The following SERPINB7 variants were observed in gnomAD, a reference collection of about 807,000 sequenced individuals.
The protein encoded by SERPINB7 is serpin B7.
In SERPINB7, 31 loss-of-function variants were observed where a neutral mutation model predicts 37.4. The observed-to-expected ratio is 0.83, with a 90% CI of 0.62 to 1.12. The LOEUF (loss-of-function observed/expected upper bound fraction) is 1.12. Ranked by LOEUF, SERPINB7 falls within the 50% of genes most tolerant of loss-of-function variation. The probability of loss-of-function intolerance (pLI) is 0.00; values close to 1 mark genes in which losing one functional copy is unlikely to be tolerated. For synonymous variants in SERPINB7, 163 were observed against 166.1 expected (o/e 0.98, Z 0.14); for missense variants, 521 against 455.3 (o/e 1.14, Z -1.31).
In SERPINB7 at chr18:63,804,541, C is replaced by T. The variant is rs1245350796; in HGVS notation, c.1049C>T (p.Pro350Leu). 1 of 1,613,778 alleles carries T rather than the reference C, an allele frequency of 6.2e-7. No individual in the cohort carries two copies. The highest frequency in any genetic ancestry group is 2.2e-5 in the East Asian group (1 of 44,884). The change falls in exon 8 of 8, where the codon CCT (proline) becomes CTT (leucine). Residue 350 changes from proline (P) to leucine (L), a missense_variant. Coordinates refer to ENST00000398019, the MANE Select transcript of SERPINB7 (RefSeq NM_003784.4). ...TGSNIVEKQL[P>L]QSTLFRADHP... ...AGTAATATTGTAGAAAAGCAACTCC[C>T]TCAGTCCACGCTGTTTAGAGCTGAC...
At chr18:63,796,087 C>T (rs2049484715) in intron 4 of SERPINB7, among the ~76,000 whole-genome samples, 179 bp from the exon 5 acceptor site, 1 of 152,202 alleles carries the variant, frequency 6.6e-6, no homozygotes, top group South Asian at 2.1e-4. Context: ...AATTCAACTT[C>T]AGATACACCA....
chr18:63,796,480 G>T, intron 5 of SERPINB7, 97 bp downstream of exon 5: 1 of 641,586 alleles, frequency 1.6e-6, no homozygotes, highest in South Asian at 2.1e-5. Flanking sequence ...ACAAGGAACA[G>T]CTCCTCCTAG....
intron 1 of SERPINB7, among the ~76,000 whole-genome samples, chr18:63,765,597 C>A (rs1315595729): frequency 6.6e-6 from 1 of 152,072 alleles, no homozygotes; most frequent in African/African-American, 2.4e-5. Flanking sequence ...TCTACACAGT[C>A]CCTGGTTTTC....
intron 5 of SERPINB7, among the ~76,000 whole-genome samples, chr18:63,796,678 CTGAGT>C (rs2049492161): frequency 6.6e-6 from 1 of 152,146 alleles, no homozygotes. Context: ...GAATAACAAG[CTGAGT>C]TAATTTGATA....
chr18:63,763,682 T>A (rs543476633), intron 1 of SERPINB7, among the ~76,000 whole-genome samples: 2 of 152,190 alleles, frequency 1.3e-5, no homozygotes, highest in Non-Finnish European at 2.9e-5. Flanking sequence ...AGTCAGAGAA[T>A]GAAGTTAAAG....
chr18:63,788,155 C>T (rs979684202), intron 2 of SERPINB7, among the ~76,000 whole-genome samples: 23 of 152,320 alleles, frequency 1.5e-4, no homozygotes, highest in African/African-American at 5.3e-4. Flanking sequence ...CGCTGTGGAA[C>T]AGCCTCAGAC....
upstream of SERPINB7, among the ~76,000 whole-genome samples, chr18:63,772,269 T>C (rs1165022788): frequency 2.0e-5 from 3 of 152,102 alleles, no homozygotes; most frequent in East Asian, 5.8e-4. Context: ...ATTGGATATA[T>C]ATTTACTTTC....
intron 1 of SERPINB7, among the ~76,000 whole-genome samples, chr18:63,758,580 T>A (rs1022568141): frequency 3.3e-5 from 5 of 152,156 alleles, no homozygotes. Flanking sequence ...AGGTAGCAGT[T>A]GACTGTAGAA....
At chr18:63,798,527 C>T (rs1350038371) in intron 5 of SERPINB7, 77 bp from the exon 6 acceptor site, 3 of 1,172,690 alleles carry the variant, frequency 2.6e-6, no homozygotes, top group African/African-American at 3.2e-5. Flanking sequence ...AAACTTCATA[C>T]CAATTAATGG....
chr18:63,760,674 T>A (rs1160571524), intron 1 of SERPINB7, among the ~76,000 whole-genome samples: 1 of 152,140 alleles, frequency 6.6e-6, no homozygotes, highest in Non-Finnish European at 1.5e-5. Context: ...AGGGTCTTGG[T>A]GCCCTCTGTC....
chr18:63,796,552 A>C (rs1035922350), intron 5 of SERPINB7, among the ~76,000 whole-genome samples, 169 bp downstream of exon 5: 5 of 152,170 alleles, frequency 3.3e-5, no homozygotes, highest in Admixed American at 2.0e-4. Context: ...TGTGGTTTGG[A>C]ATAATCTTAA....
chr18:63,776,959 C>A (rs557735949), intron 1 of SERPINB7, among the ~76,000 whole-genome samples: 2 of 151,996 alleles, frequency 1.3e-5, no homozygotes, highest in African/African-American at 2.4e-5. Context: ...ATAGCATATT[C>A]ACCTTAGAGA....
chr18:63,761,495 G>T (rs532608188), intron 1 of SERPINB7, among the ~76,000 whole-genome samples: 1 of 152,266 alleles, frequency 6.6e-6, no homozygotes, highest in African/African-American at 2.4e-5. Context: ...AGGCGTGATT[G>T]GTTTTAAAAT....
intron 6 of SERPINB7, among the ~76,000 whole-genome samples, chr18:63,800,089 G>C (rs2049531580): frequency 6.7e-6 from 1 of 150,078 alleles, no homozygotes; most frequent in Admixed American, 6.6e-5. Flanking sequence ...AGGGTCTTAA[G>C]CTTGCTCAGG....
chr18:63,804,464 A>G lies in SERPINB7; in HGVS notation c.972A>G (p.Lys324=). ...GRLYISRMMH[K]SYIEVTEEGT... The stretch of plus-strand genomic sequence containing the variant: ...TGTATATATCAAGGATGATGCACAA[A>G]TCTTACATAGAGGTCACTGAGGAGG... Residue 324 remains lysine (K), a synonymous_variant, in exon 8 of 8, where the codon AAA becomes AAG. Coordinates refer to ENST00000398019, the MANE Select transcript of SERPINB7 (RefSeq NM_003784.4). 6.2e-7 allele frequency: 1 copy of G among 1,613,784 alleles called. No homozygotes were observed. Among genetic ancestry groups the G allele is most frequent in the Non-Finnish European group, 8.5e-7 (1 of 1,179,868 alleles).
At chr18:63,797,602 T>G (rs1294351375) in intron 5 of SERPINB7, among the ~76,000 whole-genome samples, 1 of 152,206 alleles carries the variant, frequency 6.6e-6, no homozygotes, top group African/African-American at 2.4e-5. Flanking sequence ...AATATTTATT[T>G]GAGGAAGCAC....
chr18:63,796,512 A>G (rs2049490586), intron 5 of SERPINB7, 129 bp downstream of exon 5: 4 of 552,900 alleles, frequency 7.2e-6, no homozygotes, highest in Non-Finnish European at 1.3e-5. Context: ...GATTGCTGCT[A>G]CTTAAAATTG....
chr18:63,762,097 C>T (rs1048302521), intron 1 of SERPINB7, among the ~76,000 whole-genome samples: 12 of 152,142 alleles, frequency 7.9e-5, no homozygotes, highest in African/African-American at 2.9e-4. Flanking sequence ...AGTTGTTTCC[C>T]TTAGTGGACT....
chr18:63,783,222 GAGAGAGAGAGAGAAAGAA>G (rs1346876164), intron 2 of SERPINB7, among the ~76,000 whole-genome samples: 104 of 67,294 alleles, frequency 1.5e-3, no homozygotes, highest in Non-Finnish European at 2.3e-3. Flanking sequence ...GAGAGAGAGA[GAGAGAGAGAGAGAAAGAA>G]AGAAAGAAAG....
Sources: allele counts gnomAD v4.1 joint callset (sites outside exome capture counted in the v4.1 genomes callset), GRCh38; gene constraint gnomAD v4.1.1; transcripts MANE v1.5; gene names NCBI Gene and HGNC (gene_info 2026-07-23, HGNC 2026-07-21).